The following SLC26A8 variants were observed in gnomAD, a reference collection of about 807,000 sequenced individuals.
SLC26A8 encodes testis anion transporter 1.
Under a neutral mutation model 105.0 loss-of-function variants are expected in SLC26A8, and 70 were observed. The ratio of observed to expected loss-of-function variants is 0.67; its 90% confidence interval spans 0.55 to 0.81. The LOEUF (loss-of-function observed/expected upper bound fraction) is 0.81, where lower values mean the gene tolerates loss of function less well. SLC26A8 is among the 40% of genes least tolerant of loss of function. The pLI is 0.00. For missense variants in SLC26A8, 998 were observed against 1,181.8 expected (o/e 0.84, Z 2.28); for synonymous variants, 415 against 438.3 (o/e 0.95, Z 0.66).
chr6:36,021,181 A>G (rs569463765), intron 1 of SLC26A8, among the ~76,000 whole-genome samples: 3 of 152,302 alleles, frequency 2.0e-5, no homozygotes, highest in Admixed American at 6.5e-5. Flanking sequence ...AAAGATCACA[A>G]ATTCTCTAAA....
At chr6:35,989,711 GC>G (rs1773675889) in intron 7 of SLC26A8, 1 of 152,060 alleles carries the variant, frequency 6.6e-6, no homozygotes, top group Admixed American at 6.6e-5. Flanking sequence ...AACGTGAGTC[GC>G]AACCAGGGTG....
chr6:36,022,197 C>T (rs1399389877), intron 1 of SLC26A8, among the ~76,000 whole-genome samples: 1 of 151,116 alleles, frequency 6.6e-6, no homozygotes, highest in Admixed American at 6.6e-5. Flanking sequence ...GAATTCCCTA[C>T]CTCAGGTGAT....
At chr6:35,960,743 T>A in intron 14 of SLC26A8, 100 bp downstream of exon 14, 2 of 1,095,206 alleles carry the variant, frequency 1.8e-6, no homozygotes, top group Admixed American at 3.8e-5. Context: ...GTATCTGCAG[T>A]GCAGGAAACA....
At chr6:36,000,162 A>C in intron 3 of SLC26A8, 54 bp from the exon 4 acceptor site, 1 of 1,120,038 alleles carries the variant, frequency 8.9e-7, no homozygotes. Context: ...AGTCACCTTA[A>C]ATAAAAACTG....
At chr6:36,016,827 A>T (rs1762006030) in intron 2 of SLC26A8, among the ~76,000 whole-genome samples, 1 of 152,200 alleles carries the variant, frequency 6.6e-6, no homozygotes, top group Admixed American at 6.5e-5. Context: ...CAAAGACCTA[A>T]ATTTAAAAGC....
At chr6:35,948,708 A>G (rs1771759266) in intron 19 of SLC26A8, among the ~76,000 whole-genome samples, 1 of 152,254 alleles carries the variant, frequency 6.6e-6, no homozygotes, top group Non-Finnish European at 1.5e-5. Context: ...TTATGAAAAT[A>G]ACATATCAGT....
At chr6:35,968,609 G>A (rs62403679) in intron 11 of SLC26A8, among the ~76,000 whole-genome samples, 10,427 of 59,076 alleles carry the variant, frequency 0.18, 1,495 homozygotes, top group Non-Finnish European at 0.25. Context: ...GTGTGTGTGT[G>A]TATATATATA....
chr6:35,969,089 G>T lies in SLC26A8; in HGVS notation c.1288-135C>A, dbSNP rs1326573476. On this transcript the variant is annotated intron_variant, in intron 10 of 19. Coordinates refer to ENST00000490799, the MANE Select transcript of SLC26A8 (RefSeq NM_052961.4). ...TTGAGTTCAGTCCAAGTGTATTTTTGTTGAACTGACATTTTCAAGTCTTAT... is the reference window on the plus strand; with the variant it reads ...TTGAGTTCAGTCCAAGTGTATTTTTTTTGAACTGACATTTTCAAGTCTTAT... 4 of 689,412 alleles carry T rather than the reference G, an allele frequency of 5.8e-6. No homozygotes were observed. In the Admixed American group the frequency reaches 9.5e-5, roughly 16 times the overall value. The allele number at this position is 689,412 out of a possible 1,614,324, so 42.7% of individuals were successfully genotyped here.
At chr6:35,945,686 A>G (rs1581617807) in intron 19 of SLC26A8, among the ~76,000 whole-genome samples, 1 of 152,202 alleles carries the variant, frequency 6.6e-6, no homozygotes, top group East Asian at 1.9e-4. Context: ...CATCTCATTC[A>G]CACTTCCATC....
intron 11 of SLC26A8, among the ~76,000 whole-genome samples, chr6:35,967,882 C>G (rs1347243073): frequency 2.0e-5 from 3 of 152,130 alleles, no homozygotes; most frequent in East Asian, 3.8e-4. Context: ...TTGAAACAGT[C>G]TCACTCGGTC....
intron 6 of SLC26A8, 40 bp downstream of exon 6, chr6:35,992,470 G>A (rs756209795): frequency 6.3e-7 from 1 of 1,580,912 alleles, no homozygotes; most frequent in South Asian, 1.2e-5. Flanking sequence ...GGCAAGAGGA[G>A]TGGCATTTGT....
intron 17 of SLC26A8, chr6:35,954,937 T>C (rs1224692270): frequency 1.2e-5 from 6 of 510,194 alleles, no homozygotes; most frequent in African/African-American, 1.2e-4. Flanking sequence ...AGAGTGAGGC[T>C]CCATCTCAAA....
chr6:35,955,006 G>T (rs1772000825), intron 17 of SLC26A8, 146 bp downstream of exon 17: 1 of 847,532 alleles, frequency 1.2e-6, no homozygotes. Context: ...ACCTTATATT[G>T]TACTGCCTTT....
intron 11 of SLC26A8, among the ~76,000 whole-genome samples, chr6:35,964,609 T>G (rs1410756032): frequency 6.7e-6 from 1 of 148,600 alleles, no homozygotes. Flanking sequence ...ATCACACCAC[T>G]GTACTTCAGA....
At chr6:35,963,191 T>C (rs776267104) in intron 11 of SLC26A8, among the ~76,000 whole-genome samples, 6 of 152,148 alleles carry the variant, frequency 3.9e-5, no homozygotes, top group Admixed American at 6.6e-5. Flanking sequence ...AAACTTCTTA[T>C]CTGAGCAATT....
intron 6 of SLC26A8, 21 bp downstream of exon 6, chr6:35,992,489 G>C: frequency 3.1e-6 from 5 of 1,601,210 alleles, no homozygotes; most frequent in African/African-American, 1.3e-5. Flanking sequence ...GTAACTCTGG[G>C]TAAGAGTTGA....
intron 10 of SLC26A8, among the ~76,000 whole-genome samples, chr6:35,972,484 A>T (rs892213631): frequency 7.9e-5 from 12 of 152,148 alleles, no homozygotes; most frequent in African/African-American, 2.9e-4. Flanking sequence ...TGAGTCTCAT[A>T]GGTCTTTTCT....
At chr6:35,966,001 CAA>C (rs67198897) in intron 11 of SLC26A8, among the ~76,000 whole-genome samples, 1,517 of 95,622 alleles carry the variant, frequency 0.016, 13 homozygotes, top group Middle Eastern at 0.042. Context: ...ACTCTCATCT[CAA>C]AAAAAAAAAA....
chr6:36,012,004 G>A (rs1761872173), intron 3 of SLC26A8, among the ~76,000 whole-genome samples: 1 of 152,078 alleles, frequency 6.6e-6, no homozygotes, highest in Admixed American at 6.6e-5. Flanking sequence ...ACAAAGAGTG[G>A]GTGTTACAAA....
Sources: gnomAD v4.1 joint callset for allele counts (sites outside exome capture counted in the v4.1 genomes callset) on GRCh38, gnomAD v4.1.1 for gene constraint, MANE v1.5 for transcripts, NCBI Gene and HGNC (gene_info 2026-07-23, HGNC 2026-07-21) for gene names.